The following FMN1 variants were observed in gnomAD, a reference collection of about 807,000 sequenced individuals.
FMN1 encodes formin 1.
A neutral mutation model predicts 132.4 loss-of-function variants in FMN1; 110 were observed. The observed-to-expected ratio is 0.83, with a 90% CI of 0.71 to 0.97. The LOEUF is 0.97. FMN1 is among the 50% of genes least tolerant of loss of function. The probability of loss-of-function intolerance (pLI) is 0.00; values close to 1 mark genes in which losing one functional copy is unlikely to be tolerated. For synonymous variants in FMN1, 722 were observed against 651.7 expected (o/e 1.11, Z -1.64); for missense variants, 1,792 against 1,705.3 (o/e 1.05, Z -0.90).
At chr15:32,989,459 T>A (rs343931) in intron 7 of FMN1, among the ~76,000 whole-genome samples, 124,016 of 152,106 alleles carry the variant, frequency 0.82, 50,723 homozygotes, top group East Asian at 0.97. Flanking sequence ...AAGTGAAAGA[T>A]AAAAGCATGC....
At chr15:32,833,532 G>T (rs897287199) in intron 17 of FMN1, among the ~76,000 whole-genome samples, 8 of 152,088 alleles carry the variant, frequency 5.3e-5, no homozygotes, top group African/African-American at 1.9e-4. Context: ...AACATCCCAG[G>T]GTGAGTGAGT....
intron 9 of FMN1, among the ~76,000 whole-genome samples, chr15:32,949,940 C>CATATATAT (rs373896522): frequency 4.1e-4 from 13 of 31,852 alleles, no homozygotes; most frequent in African/African-American, 7.2e-4. Context: ...GGCCAAAAAG[C>CATATATAT]ATATATATAT....
At chr15:32,990,204 A>C (rs1038956216) in intron 7 of FMN1, among the ~76,000 whole-genome samples, 5 of 152,306 alleles carry the variant, frequency 3.3e-5, no homozygotes, top group African/African-American at 9.6e-5. Context: ...AATAAGGGAA[A>C]TCTCCAAGAG....
intron 7 of FMN1, among the ~76,000 whole-genome samples, chr15:33,005,928 G>A (rs1037175921): frequency 3.3e-5 from 5 of 152,134 alleles, no homozygotes; most frequent in Non-Finnish European, 7.4e-5. Context: ...GGAGACAGAG[G>A]TACTTTTCCA....
At chr15:32,848,480 G>A (rs968561940) in intron 17 of FMN1, among the ~76,000 whole-genome samples, 10 of 152,180 alleles carry the variant, frequency 6.6e-5, no homozygotes, top group Non-Finnish European at 1.3e-4. Flanking sequence ...GGCAGCCATA[G>A]GAAACAAACC....
At chr15:32,837,211 G>T in intron 17 of FMN1, 1 of 233,276 alleles carries the variant, frequency 4.3e-6, no homozygotes. Context: ...CTGCTTCTCA[G>T]CCTTGTATCG....
At chr15:32,966,419 G>A (rs2031234126) in intron 8 of FMN1, among the ~76,000 whole-genome samples, 1 of 152,088 alleles carries the variant, frequency 6.6e-6, no homozygotes, top group South Asian at 2.1e-4. Flanking sequence ...GCTTCCCAAC[G>A]AATGACCTGC....
chr15:32,977,354 A>G (rs951583765), intron 7 of FMN1, among the ~76,000 whole-genome samples: 18 of 152,298 alleles, frequency 1.2e-4, no homozygotes, highest in African/African-American at 3.8e-4. Context: ...GCCAATACAC[A>G]AAAAAAGATA....
In FMN1 at chr15:33,187,321, T is replaced by C. The variant is rs1362117992; in HGVS notation, c.-197+6588A>G. On this transcript the variant is annotated intron_variant, in intron 2 of 20. Coordinates refer to ENST00000616417, the MANE Select transcript of FMN1 (RefSeq NM_001277313.2). ...TTGTGTTTCTCAAAATTCTAAACTC[T>C]TAGAACACAGGGAATTTCTTGAAGC... Among the ~76,000 whole-genome samples the C allele has an allele frequency of 2.0e-5, 3 of 152,142 alleles. No homozygotes were observed. The East Asian group carries it at 5.8e-4, about 29-fold the overall frequency.
At chr15:32,818,664 C>T (rs1213912999) in intron 17 of FMN1, among the ~76,000 whole-genome samples, 1 of 152,032 alleles carries the variant, frequency 6.6e-6, no homozygotes, top group African/African-American at 2.4e-5. Flanking sequence ...ACTACTTATT[C>T]TGTATTTGAA....
intron 19 of FMN1, among the ~76,000 whole-genome samples, chr15:32,780,975 G>A (rs181572329): frequency 2.3e-4 from 35 of 152,256 alleles, no homozygotes; most frequent in African/African-American, 6.7e-4. Flanking sequence ...ATAATTTCAT[G>A]ATAGAGGTTA....
chr15:33,113,164 C>A (rs767968528), intron 4 of FMN1, among the ~76,000 whole-genome samples: 21 of 152,124 alleles, frequency 1.4e-4, no homozygotes, highest in Non-Finnish European at 2.5e-4. Flanking sequence ...TGCTTTGTGG[C>A]CAAAGCTTGA....
chr15:32,824,318 C>T (rs16959187), intron 17 of FMN1, among the ~76,000 whole-genome samples: 4,923 of 152,262 alleles, frequency 0.032, 251 homozygotes, highest in African/African-American at 0.11. Flanking sequence ...CTTACATGGT[C>T]CTCTTAGTGC....
At chr15:32,994,209 A>AT (rs1200973984) in intron 7 of FMN1, among the ~76,000 whole-genome samples, 48 of 62,890 alleles carry the variant, frequency 7.6e-4, no homozygotes, top group Admixed American at 6.2e-3. Context: ...AATAGAACTC[A>AT]TTCCTCTCTC....
chr15:32,928,571 G>A (rs547484228), intron 9 of FMN1, among the ~76,000 whole-genome samples: 1 of 152,302 alleles, frequency 6.6e-6, no homozygotes, highest in South Asian at 2.1e-4. Context: ...GAAGTTTGCT[G>A]TAGAGTCAAA....
chr15:32,930,601 C>G (rs1169675005), intron 9 of FMN1, among the ~76,000 whole-genome samples: 1 of 151,970 alleles, frequency 6.6e-6, no homozygotes, highest in African/African-American at 2.4e-5. Context: ...ATATGGTTTG[C>G]AAATATTTTT....
intron 4 of FMN1, among the ~76,000 whole-genome samples, chr15:33,126,243 A>G (rs555394435): frequency 6.6e-6 from 1 of 152,194 alleles, no homozygotes; most frequent in Non-Finnish European, 1.5e-5. Flanking sequence ...ACTTCAGAGA[A>G]GGAAGATGGG....
chr15:33,046,609 A>G (rs906331384), intron 6 of FMN1, among the ~76,000 whole-genome samples: 3 of 152,162 alleles, frequency 2.0e-5, no homozygotes, highest in Non-Finnish European at 4.4e-5. Flanking sequence ...GTGGTTTCAT[A>G]ATTTTTCTTT....
At chr15:33,052,898 C>A (rs536067292) in intron 6 of FMN1, among the ~76,000 whole-genome samples, 1 of 152,166 alleles carries the variant, frequency 6.6e-6, no homozygotes, top group Non-Finnish European at 1.5e-5. Flanking sequence ...TTTGCATATT[C>A]ACAAACCAAT....
Sources: allele counts gnomAD v4.1 joint callset (sites outside exome capture counted in the v4.1 genomes callset), GRCh38; gene constraint gnomAD v4.1.1; transcripts MANE v1.5; gene names NCBI Gene and HGNC (gene_info 2026-07-23, HGNC 2026-07-21).